The following ASPDH variants were observed in gnomAD, a reference collection of about 807,000 sequenced individuals.
The protein encoded by ASPDH is aspartate dehydrogenase domain containing.
In ASPDH, 25 loss-of-function variants were observed where a neutral mutation model predicts 30.5. The ratio of observed to expected loss-of-function variants is 0.82; its 90% CI spans 0.60 to 1.14. The LOEUF (loss-of-function observed/expected upper bound fraction) is 1.14, where lower values mean the gene tolerates loss of function less well. Among genes scored for constraint, ASPDH ranks in the 50% most tolerant of loss-of-function variants. The pLI is 0.00. For missense variants in ASPDH, 401 were observed against 381.5 expected (o/e 1.05, Z -0.43); for synonymous variants, 168 against 156.3 (o/e 1.07, Z -0.56).
upstream of ASPDH, chr19:50,514,429 TCCGCCCCTGTCCACAG>T: frequency 6.2e-7 from 1 of 1,612,990 alleles, no homozygotes; most frequent in Admixed American, 1.7e-5. Flanking sequence ...TCCCACAGCC[TCCGCCCCTGTCCACAG>T]CCTCCCTCCG....
chr19:50,514,779 AAG>A (rs768834982), upstream of ASPDH: 12 of 1,166,368 alleles, frequency 1.0e-5, no homozygotes, highest in African/African-American at 6.5e-5. Context: ...GCTGGAGAGA[AAG>A]AGAGCGTGAA....
At position 50,513,108 on chromosome 19, in the gene ASPDH, C is replaced by A; in HGVS notation, c.198-97G>T. 1 of 1,319,234 alleles carries A rather than the reference C, an allele frequency of 7.6e-7. No homozygotes were observed. The highest frequency in any genetic ancestry group is 1.0e-6 in the Non-Finnish European group (1 of 954,918). The allele number at this position is 1,319,234 out of a possible 1,614,324, so 81.7% of individuals were successfully genotyped here. A position where few individuals can be genotyped will look rare whatever the true frequency, so the allele number is the denominator to read the frequency against. On this transcript the variant is annotated intron_variant, in intron 2 of 6. Transcript: ENST00000389208. This position sits in a 1 kb window ranked among gnomAD's most constrained non-coding sequence, Gnocchi z 4.9. Reference sequence around the variant, plus strand: ...GTCTACTGAGGGCTGCCCTTCTTCTCCCTGACCTGGGAGGCGAAATGAGAT... The same window carrying A: ...GTCTACTGAGGGCTGCCCTTCTTCTACCTGACCTGGGAGGCGAAATGAGAT...
upstream of ASPDH, chr19:50,514,695 G>T (rs1980155273): frequency 1.4e-6 from 2 of 1,480,300 alleles, no homozygotes; most frequent in Non-Finnish European, 1.8e-6. Flanking sequence ...GGCAGCGCAG[G>T]CTCCCTGCCC....
At position 50,511,748 on chromosome 19, in the gene ASPDH, C is replaced by T. The variant is rs140473564; in HGVS notation, c.834G>A (p.Pro278=). The T allele has an allele frequency of 6.3e-5, 83 of 1,309,276 alleles. No homozygotes were observed. The African/African-American group carries it at 1.1e-3, about 18-fold the overall frequency. 81.1% of individuals were successfully genotyped at this position (1,309,276 alleles called of 1,614,324 possible). A position where few individuals can be genotyped will look rare whatever the true frequency, so the allele number is the denominator to read the frequency against. The change falls in exon 7 of 7, where the codon CCG becomes CCA. Residue 278 remains proline (P), a synonymous_variant. Transcript: ENST00000389208. The part of the protein sequence containing the change: ...LLACCQLPSR[P]GIHLC ...AGGCTTCTCAGCAGAGATGGATCCCCGGCCTGGAGGGGAGCTGGCAGCAGG... is the reference window on the plus strand; with the variant it reads ...AGGCTTCTCAGCAGAGATGGATCCCTGGCCTGGAGGGGAGCTGGCAGCAGG...
Position 50,512,285 on chromosome 19 carries a change from G to C in ASPDH, c.659C>G (p.Thr220Arg), listed in dbSNP as rs991865104. 4 of 1,613,656 alleles carry C rather than the reference G, an allele frequency of 2.5e-6. No homozygotes were observed. The highest frequency in any genetic ancestry group is 3.3e-5 in the Admixed American group (2 of 59,996). The part of the protein sequence containing the change: ...IGVLVADTSL[T>R]DMHVVDVELS... ...CTCTACATCCACCACGTGCATGTCCGTGAGGCTGGGACAAGAGGGGCAGTC... is the reference window on the plus strand; with the variant it reads ...CTCTACATCCACCACGTGCATGTCCCTGAGGCTGGGACAAGAGGGGCAGTC... Residue 220 changes from threonine (T) to arginine (R), a missense_variant, in exon 6 of 7, where the codon ACG (threonine) becomes AGG (arginine). Thr to Arg is a moderately conservative substitution (Grantham distance 71). Transcript: ENST00000389208.
In ASPDH at chr19:50,512,711, G is replaced by A. The variant is rs529482302; in HGVS notation, c.382C>T (p.Leu128=). The stretch of plus-strand genomic sequence containing the variant: ...CTCCTGATGTCCTCAGCGCCCCACA[G>A]GGCCCCTCGGGCCACAAACACGGCG... The part of the protein sequence containing the change: ...DHAVFVARGA[L]WGAEDIRRLD... The change falls in exon 4 of 7, where the codon CTG becomes TTG. Residue 128 remains leucine (L), a synonymous_variant. Coordinates refer to ENST00000389208, the MANE Select transcript of ASPDH (RefSeq NM_001114598.2). The A allele has an allele frequency of 2.6e-6, 4 of 1,551,726 alleles. No homozygotes were observed. In the South Asian group the frequency reaches 3.6e-5, roughly 14 times the overall value.
In ASPDH at chr19:50,512,146, C is replaced by T. The variant is rs1295891730; in HGVS notation, c.798G>A (p.Gln266=). 6.4e-7 allele frequency: 1 copy of T among 1,559,532 alleles called. No individual in the cohort carries two copies. The highest frequency in any genetic ancestry group is 8.6e-7 in the Non-Finnish European group (1 of 1,158,480). ...GGGGCCTGGCCGCACCCAGGAGGCT[C>T]TGCCAGAAGGCCGTGACGGTGGCGG... ...TGSATVTAFW[Q]SLLACCQLPS... is the part of the protein sequence containing the mutation. The change falls in exon 6 of 7, where the codon CAG becomes CAA. Residue 266 remains glutamine (Q), a synonymous_variant. Transcript: ENST00000389208.
chr19:50,512,493 C>T lies in ASPDH; in HGVS notation c.520G>A (p.Val174Met). 2.5e-6 allele frequency: 4 copies of T among 1,569,920 alleles called. No individual in the cohort carries two copies. The Admixed American group carries it at 5.5e-5, about 21-fold the overall frequency. Residue 174 changes from valine (V) to methionine (M), a missense_variant, in exon 5 of 7, where the codon GTG (valine) becomes ATG (methionine). Coordinates refer to ENST00000389208, the MANE Select transcript of ASPDH (RefSeq NM_001114598.2). ...CCACGGACAGGGCCTTCGTAGAGCACAGTGCAAGGCCCAGGGCTGTGGGCT... is the reference window on the plus strand; with the variant it reads ...CCACGGACAGGGCCTTCGTAGAGCATAGTGCAAGGCCCAGGGCTGTGGGCT... Reference protein sequence around the residue: ...AAAHSPGPCTVLYEGPVRGLC... With the variant: ...AAAHSPGPCTMLYEGPVRGLC...
chr19:50,512,077 AC>A (rs202084675), intron 6 of ASPDH, 58 bp downstream of exon 6: 39,380 of 1,385,018 alleles, frequency 0.028, 682 homozygotes, highest in Middle Eastern at 0.033. Context: ...AGAGCCCGGG[AC>A]CCCCAAGCTC....
Position 50,512,365 on chromosome 19 carries a change from A to AT in ASPDH, c.647dup (p.Asp216GlufsTer102). ...CCCTGCTTAGCTCTGCTCACCTGGT[A>AT]TCAGCCACGAGCACCCCAATCACCC... On this transcript the variant is annotated frameshift_variant, in exon 5 of 7. Transcript: ENST00000389208. LOFTEE classifies it high-confidence loss of function. 1 of 1,613,908 alleles carries AT rather than the reference A, an allele frequency of 6.2e-7. No individual in the cohort carries two copies.
At position 50,512,578 on chromosome 19, in the gene ASPDH, G is replaced by T; in HGVS notation, c.435C>A (p.Ser145Arg). Residue 145 changes from serine (S) to arginine (R), a missense_variant and splice_region_variant, in exon 5 of 7, where the codon AGC (serine) becomes AGA (arginine). Ser to Arg is a moderately radical substitution (Grantham distance 110). Coordinates refer to ENST00000389208, the MANE Select transcript of ASPDH (RefSeq NM_001114598.2). ...GGTGTGTGGCCATGGTGACACGAAG[G>T]CTCTGGAAGCAAGAGCCCGGGTTAG... ...RRLDAAGGLR[S>R]LRVTMATHPD... The T allele has an allele frequency of 6.5e-7, 1 of 1,526,766 alleles. No homozygotes were observed. 94.6% of individuals were successfully genotyped at this position (1,526,766 alleles called of 1,614,324 possible).
At position 50,513,271 on chromosome 19, in the gene ASPDH, C is replaced by A; in HGVS notation, c.197+1G>T. Reference sequence around the variant, plus strand: ...CACTCTCCCATGGCAAGGTCACTGACCTTTCCCCAAGGGCAGCAAGGTTCT... The same window carrying A: ...CACTCTCCCATGGCAAGGTCACTGAACTTTCCCCAAGGGCAGCAAGGTTCT... On this transcript the variant is annotated splice_donor_variant, in intron 2 of 6. Coordinates refer to ENST00000389208, the MANE Select transcript of ASPDH (RefSeq NM_001114598.2). LOFTEE classifies it high-confidence loss of function. This position sits in a 1 kb window ranked among gnomAD's most constrained non-coding sequence, Gnocchi z 4.9. The A allele has an allele frequency of 6.8e-7, 1 of 1,473,474 alleles. No individual in the cohort carries two copies. Among genetic ancestry groups the A allele is most frequent in the East Asian group, 2.5e-5 (1 of 39,632 alleles). The allele number at this position is 1,473,474 out of a possible 1,614,324, so 91.3% of individuals were successfully genotyped here.
rs753779327 is a variant in ASPDH, at chr19:50,513,062, T to G, written c.198-51A>C. 5.3e-5 allele frequency: 78 copies of G among 1,484,416 alleles called. No homozygotes were observed. Among genetic ancestry groups the G allele is most frequent in the Non-Finnish European group, 7.1e-5 (77 of 1,082,184 alleles). The allele number at this position is 1,484,416 out of a possible 1,614,324, so 92.0% of individuals were successfully genotyped here. A position where few individuals can be genotyped will look rare whatever the true frequency, so the allele number is the denominator to read the frequency against. On this transcript the variant is annotated intron_variant, in intron 2 of 6. Transcript: ENST00000389208. The surrounding 1 kb of genome is among the most constrained non-coding windows in gnomAD (Gnocchi z 4.9). ...GGTCTTGGAGAGGTATTAGGCCTCT[T>G]CTCCCCAAGGTTCCCTCCGAGTCTA...
chr19:50,514,450 C>T (rs374069338), upstream of ASPDH: 18 of 1,614,048 alleles, frequency 1.1e-5, no homozygotes, highest in South Asian at 1.3e-4. Flanking sequence ...CCACAGCCTC[C>T]CTCCGCTCTG....
upstream of ASPDH, chr19:50,514,416 C>T (rs1980139658): frequency 3.1e-6 from 5 of 1,610,114 alleles, no homozygotes; most frequent in Non-Finnish European, 4.2e-6. Flanking sequence ...GCACGGGTCC[C>T]CTTCCCACAG....
Position 50,513,463 on chromosome 19 carries a change from CA to C in ASPDH, c.53-48del. 6.9e-7 allele frequency: 1 copy of C among 1,440,770 alleles called. No homozygotes were observed. The highest frequency in any genetic ancestry group is 1.5e-5 in the South Asian group (1 of 66,700). 89.2% of individuals were successfully genotyped at this position (1,440,770 alleles called of 1,614,324 possible). On this transcript the variant is annotated intron_variant, in intron 1 of 6. Transcript: ENST00000389208. The surrounding 1 kb of genome is among the most constrained non-coding windows in gnomAD (Gnocchi z 4.9). ...GGCTAGAGATCCAGAGAGAGGGGGACAGAGACCCAGAGAGAGAGGAGGTGGG... is the reference window on the plus strand; with the variant it reads ...GGCTAGAGATCCAGAGAGAGGGGGACGAGACCCAGAGAGAGAGGAGGTGGG...
upstream of ASPDH, chr19:50,515,010 G>T (rs936147735): frequency 1.0e-6 from 1 of 985,382 alleles, no homozygotes; most frequent in Non-Finnish European, 1.2e-6. Flanking sequence ...CAGGAAGGGG[G>T]CAGGGGCCAG....
chr19:50,514,273 C>A (rs999763250), upstream of ASPDH, among the ~76,000 whole-genome samples: 1 of 152,154 alleles, frequency 6.6e-6, no homozygotes, highest in African/African-American at 2.4e-5. Flanking sequence ...TGTCCTCAGG[C>A]GGCTAAGGTC....
chr19:50,514,923 T>A, upstream of ASPDH: 5 of 985,344 alleles, frequency 5.1e-6, no homozygotes, highest in Non-Finnish European at 6.0e-6. Flanking sequence ...CTGCCGCTGC[T>A]GATAAGGGAG....
Sources: gnomAD v4.1 joint callset for allele counts (sites outside exome capture counted in the v4.1 genomes callset) on GRCh38, gnomAD v4.1.1 for gene constraint, Gnocchi (gnomAD v3.1) non-coding constraint, MANE v1.5 for transcripts, NCBI Gene and HGNC (gene_info 2026-07-23, HGNC 2026-07-21) for gene names.